Variants in ZDHHC21 observed in about 807,000 individuals in gnomAD.
ZDHHC21 encodes the protein zDHHC palmitoyltransferase 21, also known as palmitoyltransferase ZDHHC21.
A neutral mutation model predicts 34.6 loss-of-function variants in ZDHHC21; 15 were observed. That is an observed-to-expected ratio of 0.43 (90% CI 0.29 to 0.67). The LOEUF is 0.67. ZDHHC21 is among the 30% of genes least tolerant of loss of function. The pLI is 0.14. For missense variants in ZDHHC21, 344 were observed against 327.7 expected, an observed-to-expected ratio of 1.05 and a Z score of -0.38; for synonymous variants, 142 against 101.8, an observed-to-expected ratio of 1.40 and a Z score of -2.38.
chr9:14,691,852 C>A (rs1265299567), intron 1 of ZDHHC21, among the ~76,000 whole-genome samples: 2 of 152,148 alleles, frequency 1.3e-5, no homozygotes, highest in African/African-American at 4.8e-5. Context: ...TTTTAATGTA[C>A]CTTCAAACCA....
At chr9:14,626,327 G>C (rs1054203258) in intron 8 of ZDHHC21, among the ~76,000 whole-genome samples, 2 of 151,934 alleles carry the variant, frequency 1.3e-5, no homozygotes, top group South Asian at 2.1e-4. Context: ...TATTTGTGTG[G>C]ATTCAGATCA....
intron 8 of ZDHHC21, among the ~76,000 whole-genome samples, chr9:14,630,114 T>C (rs934229495): frequency 2.6e-5 from 4 of 152,140 alleles, no homozygotes; most frequent in Admixed American, 1.3e-4. Context: ...TCATGAACGA[T>C]TTCTCTGTAG....
At chr9:14,664,719 C>T (rs2133975704) in intron 5 of ZDHHC21, among the ~76,000 whole-genome samples, 1 of 152,140 alleles carries the variant, frequency 6.6e-6, no homozygotes, top group Non-Finnish European at 1.5e-5. Context: ...AACTGGGAGG[C>T]ACCCCCCAGC....
Position 14,619,680 on chromosome 9 carries a change from A to G in ZDHHC21, c.624T>C (p.Asp208=), listed in dbSNP as rs1824931985. ...FYTQLIGIIT[D]TTSIEKMSNC... ...TTGACATCTTTTCAATAGATGTTGT[A>G]TCCTATTAAAAATAAAAAATTATAT... Residue 208 remains aspartate, a splice_region_variant and synonymous_variant, in exon 9 of 10, where the codon GAT becomes GAC. Transcript: ENST00000380916. The G allele has an allele frequency of 1.5e-6, 2 of 1,376,118 alleles. No individual in the cohort carries two copies. The highest frequency in any genetic ancestry group is 2.0e-6 in the Non-Finnish European group (2 of 999,794). The allele number at this position is 1,376,118 out of a possible 1,614,324, so 85.2% of individuals were successfully genotyped here. A position where few individuals can be genotyped will look rare whatever the true frequency, so the allele number is the denominator to read the frequency against.
chr9:14,609,701 G>T (rs192261007), downstream of ZDHHC21, among the ~76,000 whole-genome samples: 182 of 152,090 alleles, frequency 1.2e-3, 1 homozygote, highest in African/African-American at 3.9e-3. Context: ...ATGGCTAAAA[G>T]AACTTTCCAA....
intron 2 of ZDHHC21, among the ~76,000 whole-genome samples, chr9:14,685,456 C>G (rs1838158466): frequency 6.6e-6 from 1 of 151,466 alleles, no homozygotes; most frequent in East Asian, 1.9e-4. Flanking sequence ...TGAAAAAATG[C>G]TCATCATCAC....
At chr9:14,622,910 CTTT>C (rs2133464620) in intron 8 of ZDHHC21, among the ~76,000 whole-genome samples, 1 of 152,156 alleles carries the variant, frequency 6.6e-6, no homozygotes, top group South Asian at 2.1e-4. Flanking sequence ...CCCCTGCATT[CTTT>C]ATTATTATAG....
At chr9:14,684,566 T>C (rs1024061056) in intron 2 of ZDHHC21, among the ~76,000 whole-genome samples, 19 of 151,634 alleles carry the variant, frequency 1.3e-4, no homozygotes, top group African/African-American at 4.1e-4. Context: ...AACAAACAAA[T>C]GGAAGAACAT....
chr9:14,646,817 T>C lies in ZDHHC21; in HGVS notation c.505-6805A>G, dbSNP rs564305763. On this transcript the variant is annotated intron_variant, in intron 7 of 9. Coordinates refer to ENST00000380916, the MANE Select transcript of ZDHHC21 (RefSeq NM_178566.6). ...TCCTTGCTGTATTTTATTTTTTTCA[T>C]AGTATTTATCTCCATCTGATATATA... Among the ~76,000 whole-genome samples the C allele has an allele frequency of 2.6e-5, 4 of 152,294 alleles. No homozygotes were observed. The East Asian group carries it at 7.7e-4, about 29-fold the overall frequency.
In ZDHHC21 at chr9:14,618,208, G is replaced by C. The variant is rs552328126; in HGVS notation, c.*758C>G. ...AGGAATACATGCCCACTGGTCAGGA[G>C]TTCTCCTGGGAGCAAATATTTTAAT... On this transcript the variant is annotated 3_prime_UTR_variant, in exon 10 of 10. Coordinates refer to ENST00000380916, the MANE Select transcript of ZDHHC21 (RefSeq NM_178566.6). 2.6e-5 allele frequency: 4 copies of C among 152,528 alleles called. No individual in the cohort carries two copies. Among genetic ancestry groups the C allele is most frequent in the East Asian group, 1.9e-4 (1 of 5,170 alleles). 9.4% of individuals were successfully genotyped at this position (152,528 alleles called of 1,614,324 possible).
At chr9:14,598,055 C>T in the ZDHHC21 span, among the ~76,000 whole-genome samples, 1 of 152,270 alleles carries the variant, frequency 6.6e-6, no homozygotes, top group South Asian at 2.1e-4. Flanking sequence ...CAAAGCCATG[C>T]ATACTGACCA....
chr9:14,607,088 A>AAAAC (rs1823036077), downstream of ZDHHC21, among the ~76,000 whole-genome samples: 1 of 151,580 alleles, frequency 6.6e-6, no homozygotes, highest in African/African-American at 2.4e-5. Flanking sequence ...ATAGCAAAAA[A>AAAAC]AAAAAAAAAA....
chr9:14,636,384 C>T (rs1828307400), intron 8 of ZDHHC21, among the ~76,000 whole-genome samples: 1 of 151,998 alleles, frequency 6.6e-6, no homozygotes, highest in Admixed American at 6.5e-5. Flanking sequence ...ATATATGCAC[C>T]CAACACCAGA....
At chr9:14,663,128 T>C (rs1003428645) in intron 5 of ZDHHC21, among the ~76,000 whole-genome samples, 7 of 152,274 alleles carry the variant, frequency 4.6e-5, no homozygotes, top group African/African-American at 1.7e-4. Flanking sequence ...ACTGTCCTAA[T>C]TAGGTCCGCG....
the ZDHHC21 span, among the ~76,000 whole-genome samples, chr9:14,603,976 ACTT>A: frequency 6.6e-6 from 1 of 152,160 alleles, no homozygotes; most frequent in Admixed American, 6.5e-5. Context: ...GTTTTTATTC[ACTT>A]TTTCTCTCGA....
chr9:14,616,820 A>T lies in ZDHHC21; in HGVS notation c.*2146T>A, dbSNP rs1824279724. On this transcript the variant is annotated 3_prime_UTR_variant, in exon 10 of 10. Transcript: ENST00000380916. ...TTTCTAGTATATTAGTTTGTAGTCC[A>T]ATAATTTAGGGGAACTGAGTACAGA... The T allele has an allele frequency of 6.6e-6, 1 of 151,814 alleles. No individual in the cohort carries two copies. The highest frequency in any genetic ancestry group is 1.5e-5 in the Non-Finnish European group (1 of 67,810). 9.4% of individuals were successfully genotyped at this position (151,814 alleles called of 1,614,324 possible).
chr9:14,674,428 ATT>A (rs1835991748), intron 3 of ZDHHC21, 43 bp from the exon 4 acceptor site: 32 of 1,346,270 alleles, frequency 2.4e-5, no homozygotes, highest in Admixed American at 5.6e-5. Flanking sequence ...ACATAGAAAA[ATT>A]TGACTAAAAC....
intron 5 of ZDHHC21, among the ~76,000 whole-genome samples, chr9:14,671,289 A>AG (rs1835395122): frequency 6.6e-6 from 1 of 152,100 alleles, no homozygotes; most frequent in South Asian, 2.1e-4. Flanking sequence ...GTCTTTTAAA[A>AG]GACTCTCATT....
chr9:14,646,138 G>C (rs1335455277), intron 7 of ZDHHC21, among the ~76,000 whole-genome samples: 1 of 151,964 alleles, frequency 6.6e-6, no homozygotes, highest in African/African-American at 2.4e-5. Flanking sequence ...CCAAAAACTA[G>C]AAACAAAGTA....
Sources: gnomAD v4.1 joint callset for allele counts (sites outside exome capture counted in the v4.1 genomes callset) on GRCh38, gnomAD v4.1.1 for gene constraint, MANE v1.5 for transcripts, NCBI Gene and HGNC (gene_info 2026-07-23, HGNC 2026-07-21) for gene names.